Variants in WDTC1 observed in about 807,000 individuals in gnomAD.
WDTC1 encodes WD and tetratricopeptide repeats protein 1.
In WDTC1, 12 loss-of-function variants were observed where a neutral mutation model predicts 76.0. The ratio of observed to expected loss-of-function variants is 0.16; its 90% confidence interval spans 0.10 to 0.26. The LOEUF (loss-of-function observed/expected upper bound fraction) is 0.26. Ranked by LOEUF, WDTC1 falls within the 10% of genes least tolerant of loss-of-function variation. The pLI, the probability that WDTC1 is intolerant of heterozygous loss-of-function variation, is 1.00. For synonymous variants in WDTC1, 326 were observed against 350.8 expected (o/e 0.93, Z 0.79); for missense variants, 511 against 908.8 (o/e 0.56, Z 5.63).
intron 5 of WDTC1, among the ~76,000 whole-genome samples, chr1:27,286,441 TC>T (rs2013338917): frequency 6.6e-6 from 1 of 150,398 alleles, no homozygotes; most frequent in Non-Finnish European, 1.5e-5. Flanking sequence ...TCTGACCAGG[TC>T]CCTTTTTTCT....
chr1:27,254,161 G>T (rs545184808), intron 1 of WDTC1, among the ~76,000 whole-genome samples: 1 of 152,122 alleles, frequency 6.6e-6, no homozygotes. Context: ...AGTGTTTCTA[G>T]TTAGTTTGTC....
At chr1:27,270,024 C>T in intron 3 of WDTC1, among the ~76,000 whole-genome samples, 1 of 151,718 alleles carries the variant, frequency 6.6e-6, no homozygotes, top group Non-Finnish European at 1.5e-5. Flanking sequence ...ATAGCCTTGA[C>T]CTCCTGGGCT....
intron 1 of WDTC1, among the ~76,000 whole-genome samples, chr1:27,248,072 A>G (rs931628455): frequency 4.6e-5 from 7 of 152,176 alleles, no homozygotes; most frequent in Admixed American, 3.9e-4. Context: ...GGTTGATTCC[A>G]TGTCTTGCTT....
At chr1:27,258,069 T>G (rs2012342293) in intron 1 of WDTC1, among the ~76,000 whole-genome samples, 1 of 150,854 alleles carries the variant, frequency 6.6e-6, no homozygotes, top group Non-Finnish European at 1.5e-5. Context: ...GATTAAGGCA[T>G]GAGCCACTGC....
chr1:27,272,226 A>G (rs1311910737), intron 3 of WDTC1, among the ~76,000 whole-genome samples: 1 of 151,936 alleles, frequency 6.6e-6, no homozygotes, highest in Non-Finnish European at 1.5e-5. Flanking sequence ...AGCCTGGGCA[A>G]CAAGAGTGAA....
intron 1 of WDTC1, among the ~76,000 whole-genome samples, chr1:27,240,953 T>G (rs2011612298): frequency 7.4e-6 from 1 of 136,018 alleles, no homozygotes. Flanking sequence ...CCAGCCTGGG[T>G]GACAGTGAGA....
intron 7 of WDTC1, among the ~76,000 whole-genome samples, chr1:27,293,161 G>A (rs148432575): frequency 0.01 from 1,557 of 151,864 alleles, 13 homozygotes; most frequent in South Asian, 0.014. Flanking sequence ...GGCCGGGCGT[G>A]GTGGCTCACG....
intron 7 of WDTC1, 145 bp from the exon 8 acceptor site, chr1:27,293,877 G>A: frequency 1.6e-6 from 1 of 642,682 alleles, no homozygotes; most frequent in Non-Finnish European, 2.7e-6. Context: ...TCTAGTTGGT[G>A]GGCCTTTGGG....
In WDTC1 at chr1:27,307,107, C is replaced by A. The variant is rs1057400096; in HGVS notation, c.*724C>A. ...GGGCACTGCACCTTACCCCACCCAT[C>A]CATGCCAGCACTTCTGCACTACGGC... On this transcript the variant is annotated 3_prime_UTR_variant, in exon 16 of 16. Transcript: ENST00000319394. The surrounding 1 kb of genome is among the most constrained non-coding windows in gnomAD (Gnocchi z 4.1). 1 of 153,148 alleles carries A rather than the reference C, an allele frequency of 6.5e-6. No homozygotes were observed. Among genetic ancestry groups the A allele is most frequent in the Admixed American group, 6.5e-5 (1 of 15,304 alleles). 9.5% of individuals were successfully genotyped at this position (153,148 alleles called of 1,614,324 possible).
At chr1:27,268,179 C>A (rs983138750) in intron 3 of WDTC1, among the ~76,000 whole-genome samples, 1 of 152,026 alleles carries the variant, frequency 6.6e-6, no homozygotes, top group Admixed American at 6.6e-5. Context: ...GGTGGCTCAC[C>A]CCTGTAATCT....
intron 12 of WDTC1, among the ~76,000 whole-genome samples, chr1:27,300,960 C>A (rs2013816895): frequency 6.6e-6 from 1 of 152,196 alleles, no homozygotes; most frequent in South Asian, 2.1e-4. Context: ...TGTGCAGTTG[C>A]ACTCTGTGCC....
chr1:27,299,514 A>G (rs2013778744), intron 12 of WDTC1, among the ~76,000 whole-genome samples: 1 of 151,662 alleles, frequency 6.6e-6, no homozygotes, highest in Admixed American at 6.6e-5. Context: ...AGGACATTCC[A>G]GGGAGATGAA....
In WDTC1 at chr1:27,287,853, G is replaced by A. The variant is rs1307869630; in HGVS notation, c.471G>A (p.Gly157=). 4 of 1,612,650 alleles carry A rather than the reference G, an allele frequency of 2.5e-6. No individual in the cohort carries two copies. The highest frequency in any genetic ancestry group is 3.4e-6 in the Non-Finnish European group (4 of 1,179,386). The stretch of plus-strand genomic sequence containing the variant: ...CATTCTGGAGTGCTGCTGAGGATGG[G>A]CTTATCCGGTAAGAGTCTGGGGCAT... ...PNTFWSAAED[G]LIRQYDLREN... Residue 157 remains glycine (G), a synonymous_variant, in exon 6 of 16, where the codon GGG becomes GGA. Coordinates refer to ENST00000319394, the MANE Select transcript of WDTC1 (RefSeq NM_001276252.2).
intron 1 of WDTC1, among the ~76,000 whole-genome samples, chr1:27,247,712 C>CTTTTTTTTTTT (rs35930144): frequency 2.2e-5 from 3 of 136,560 alleles, no homozygotes; most frequent in African/African-American, 5.4e-5. Context: ...CATTTTCTTT[C>CTTTTTTTTTTT]TTTTTTTTTT....
chr1:27,302,348 G>A (rs938550020), intron 13 of WDTC1, among the ~76,000 whole-genome samples: 1 of 152,134 alleles, frequency 6.6e-6, no homozygotes, highest in South Asian at 2.1e-4. Flanking sequence ...CATGCTGGGA[G>A]GGGGTGGGCT....
At chr1:27,266,092 T>C (rs2012655281) in intron 3 of WDTC1, among the ~76,000 whole-genome samples, 1 of 152,130 alleles carries the variant, frequency 6.6e-6, no homozygotes, top group Admixed American at 6.6e-5. Context: ...CACTACTCTA[T>C]AGAGCCATGG....
chr1:27,283,248 A>G (rs1239742941), intron 4 of WDTC1, 90 bp from the exon 5 acceptor site: 7 of 1,153,998 alleles, frequency 6.1e-6, no homozygotes, highest in Non-Finnish European at 8.9e-6. Context: ...CAAATTCTGT[A>G]ACCTAACTCC....
intron 6 of WDTC1, among the ~76,000 whole-genome samples, chr1:27,288,614 C>T: frequency 6.6e-6 from 1 of 151,602 alleles, no homozygotes; most frequent in Non-Finnish European, 1.5e-5. Flanking sequence ...CGCCCTTAAT[C>T]CATTTAACCC....
chr1:27,277,485 C>T lies in WDTC1; in HGVS notation c.133-4754C>T, dbSNP rs116870482. ...TTGACACTCTTTTTTTTTTAAGAGA[C>T]GGAGTCTGGCTATGTTGCACAGGCT... is the stretch of plus-strand genomic sequence containing the variant. On this transcript the variant is annotated intron_variant, in intron 3 of 15. Transcript: ENST00000319394. Among the ~76,000 whole-genome samples the T allele has an allele frequency of 1.8e-3, 271 of 151,828 alleles. 1 individual carries two copies. The highest frequency in any genetic ancestry group is 0.017 in the East Asian group (86 of 5,172).
Sources: allele counts gnomAD v4.1 joint callset (sites outside exome capture counted in the v4.1 genomes callset), GRCh38; gene constraint gnomAD v4.1.1; non-coding constraint Gnocchi (gnomAD v3.1); transcripts MANE v1.5; gene names NCBI Gene and HGNC (gene_info 2026-07-23, HGNC 2026-07-21).